The following AGPS variants were observed in gnomAD, a reference collection of about 807,000 sequenced individuals.
The protein encoded by AGPS is alkylglycerone phosphate synthase, also known as alkyldihydroxyacetonephosphate synthase, peroxisomal.
AGPS carries 26 observed loss-of-function variants against 90.7 expected under a neutral mutation model. The observed-to-expected ratio is 0.29, with a 90% CI of 0.21 to 0.40. The LOEUF (loss-of-function observed/expected upper bound fraction) is 0.40. Among genes scored for constraint, AGPS ranks in the 10% least tolerant of loss-of-function variants. AGPS has a pLI of 1.00. For synonymous variants in AGPS, 294 were observed against 285.3 expected (o/e 1.03, Z -0.31); for missense variants, 540 against 816.1 (o/e 0.66, Z 4.12).
intron 2 of AGPS, among the ~76,000 whole-genome samples, chr2:177,424,359 T>A (rs1391573046): frequency 6.6e-6 from 1 of 152,176 alleles, no homozygotes; most frequent in Non-Finnish European, 1.5e-5. Flanking sequence ...ATCCAGTCAA[T>A]CATTGATGGA....
chr2:177,397,042 CGAT>C (rs1685199294), intron 1 of AGPS, among the ~76,000 whole-genome samples: 1 of 150,900 alleles, frequency 6.6e-6, no homozygotes, highest in African/African-American at 2.4e-5. Flanking sequence ...CGGGTTCAAG[CGAT>C]TCTCCTGCCT....
Position 177,475,697 on chromosome 2 carries a change from A to G in AGPS, c.1106-6362A>G, listed in dbSNP as rs1158183411. Among the ~76,000 whole-genome samples the G allele has an allele frequency of 2.0e-5, 3 of 152,222 alleles. No homozygotes were observed. In the East Asian group the frequency reaches 5.8e-4, roughly 29 times the overall value. ...TGCATATTCTACATTTTGTTACTCC[A>G]TTCATTACTGAGATTGTTTCCACAT... is the stretch of plus-strand genomic sequence containing the variant. On this transcript the variant is annotated intron_variant, in intron 10 of 19. Transcript: ENST00000264167.
At chr2:177,483,973 C>T (rs1169760748) in intron 11 of AGPS, among the ~76,000 whole-genome samples, 1 of 149,006 alleles carries the variant, frequency 6.7e-6, no homozygotes, top group Non-Finnish European at 1.5e-5. Flanking sequence ...ATGGTTTTGC[C>T]TATGAATTAA....
chr2:177,499,293 G>C (rs1688490788), intron 13 of AGPS, among the ~76,000 whole-genome samples: 1 of 151,732 alleles, frequency 6.6e-6, no homozygotes, highest in African/African-American at 2.4e-5. Context: ...TCATTCTGCA[G>C]TTTTTTATTT....
intron 1 of AGPS, among the ~76,000 whole-genome samples, chr2:177,415,317 G>A (rs1685755673): frequency 6.6e-6 from 1 of 152,320 alleles, no homozygotes; most frequent in East Asian, 1.9e-4. Context: ...CCCAGGAGTT[G>A]TATAGTTGGG....
At position 177,412,918 on chromosome 2, in the gene AGPS, C is replaced by G. The variant is rs760993303; in HGVS notation, c.261-7351C>G. Among the ~76,000 whole-genome samples, 3 of 152,092 alleles carry G rather than the reference C, an allele frequency of 2.0e-5. No homozygotes were observed. The South Asian group carries it at 6.2e-4, about 32-fold the overall frequency. The stretch of plus-strand genomic sequence containing the variant: ...AACAATGGCAAGCCTTTAGCCCGAT[C>G]GGGAGTGGCAATGGGTGCCTCGCTG... On this transcript the variant is annotated intron_variant, in intron 1 of 19. Transcript: ENST00000264167.
intron 3 of AGPS, among the ~76,000 whole-genome samples, chr2:177,435,048 GC>G (rs1328797355): frequency 7.1e-6 from 1 of 140,058 alleles, no homozygotes; most frequent in African/African-American, 2.7e-5. Context: ...GAAATATTTA[GC>G]GTTTCTTTTT....
At position 177,407,368 on chromosome 2, in the gene AGPS, G is replaced by T. The variant is rs570394630; in HGVS notation, c.261-12901G>T. On this transcript the variant is annotated intron_variant, in intron 1 of 19. Transcript: ENST00000264167. ...CCGAGACTGGATAATTTATAAAGAG[G>T]TTTAATTAATTCACGGTTCTGCAGG... Among the ~76,000 whole-genome samples, 6 of 152,258 alleles carry T rather than the reference G, an allele frequency of 3.9e-5. No individual in the cohort carries two copies. In the East Asian group the frequency reaches 9.6e-4, roughly 24 times the overall value.
chr2:177,490,989 G>A (rs992621378), intron 11 of AGPS, among the ~76,000 whole-genome samples: 1 of 151,430 alleles, frequency 6.6e-6, no homozygotes, highest in Non-Finnish European at 1.5e-5. Flanking sequence ...CCAAGTAGCT[G>A]GGATTACAGG....
intron 12 of AGPS, among the ~76,000 whole-genome samples, chr2:177,495,774 T>C (rs1688394283): frequency 6.7e-6 from 1 of 149,164 alleles, no homozygotes; most frequent in Admixed American, 6.7e-5. Flanking sequence ...AAAAATTAGC[T>C]GGGCATGTTG....
At chr2:177,477,932 T>C (rs2105688405) in intron 10 of AGPS, among the ~76,000 whole-genome samples, 1 of 152,294 alleles carries the variant, frequency 6.6e-6, no homozygotes, top group Middle Eastern at 3.4e-3. Context: ...AATACTATCT[T>C]TGGTATTACA....
chr2:177,462,774 A>C (rs1687338757), intron 9 of AGPS, among the ~76,000 whole-genome samples: 1 of 152,222 alleles, frequency 6.6e-6, no homozygotes, highest in African/African-American at 2.4e-5. Context: ...AAATGATTTA[A>C]AGCATGTGAG....
chr2:177,457,704 C>A (rs943409875), intron 8 of AGPS, among the ~76,000 whole-genome samples: 1 of 151,928 alleles, frequency 6.6e-6, no homozygotes, highest in African/African-American at 2.4e-5. Flanking sequence ...GCCTACCAAC[C>A]AAAAAAAGTA....
At chr2:177,445,991 A>G (rs1686757741) in intron 8 of AGPS, among the ~76,000 whole-genome samples, 1 of 152,318 alleles carries the variant, frequency 6.6e-6, no homozygotes, top group Middle Eastern at 3.4e-3. Flanking sequence ...AAGGTATCAC[A>G]TAGAACCTGG....
intron 14 of AGPS, among the ~76,000 whole-genome samples, chr2:177,500,488 T>A (rs543034427): frequency 2.6e-5 from 4 of 152,146 alleles, no homozygotes; most frequent in African/African-American, 9.6e-5. Flanking sequence ...TTTTTCATTG[T>A]TTTTTAAGAA....
chr2:177,463,038 A>G (rs900873250), intron 9 of AGPS, among the ~76,000 whole-genome samples: 8 of 152,128 alleles, frequency 5.3e-5, no homozygotes, highest in African/African-American at 1.9e-4. Flanking sequence ...TCTGAAAATA[A>G]TTTTTCCTGT....
At chr2:177,481,986 AT>A (rs975916611) in intron 10 of AGPS, 72 bp from the exon 11 acceptor site, 109 of 1,380,298 alleles carry the variant, frequency 7.9e-5, no homozygotes, top group Non-Finnish European at 9.7e-5. Context: ...GAATTAATAG[AT>A]TAAATAGATT....
At chr2:177,466,428 C>G (rs780170567) in intron 9 of AGPS, among the ~76,000 whole-genome samples, 2 of 152,238 alleles carry the variant, frequency 1.3e-5, no homozygotes, top group South Asian at 4.1e-4. Context: ...CAGCCCAGCC[C>G]CCAGGCGTCA....
At chr2:177,459,236 A>G (rs1194223890) in intron 8 of AGPS, among the ~76,000 whole-genome samples, 1 of 152,248 alleles carries the variant, frequency 6.6e-6, no homozygotes, top group African/African-American at 2.4e-5. Flanking sequence ...AAACCTGGAC[A>G]ATGCCATTTA....
Sources: gnomAD v4.1 joint callset for allele counts (sites outside exome capture counted in the v4.1 genomes callset) on GRCh38, gnomAD v4.1.1 for gene constraint, MANE v1.5 for transcripts, NCBI Gene and HGNC (gene_info 2026-07-23, HGNC 2026-07-21) for gene names.